Variants in PDE1A observed in about 807,000 individuals in gnomAD.
PDE1A encodes the protein dual specificity calcium/calmodulin-dependent 3',5'-cyclic nucleotide phosphodiesterase 1A.
Under a neutral mutation model 61.7 loss-of-function variants are expected in PDE1A, and 35 were observed. That is an observed-to-expected ratio of 0.57 (90% CI 0.43 to 0.75). PDE1A has a LOEUF of 0.75. PDE1A is among the 30% of genes least tolerant of loss of function. The pLI, the probability that PDE1A is intolerant of heterozygous loss-of-function variation, is 0.00. For missense variants in PDE1A, 597 were observed against 630.6 expected (o/e 0.95, Z 0.57); for synonymous variants, 232 against 213.2 (o/e 1.09, Z -0.77).
At chr2:182,278,637 C>T (rs934325341) in intron 1 of PDE1A, among the ~76,000 whole-genome samples, 1 of 151,828 alleles carries the variant, frequency 6.6e-6, no homozygotes, top group African/African-American at 2.4e-5. Context: ...TACATGGATA[C>T]TTATCAACAC....
chr2:182,475,201 T>C (rs1451685842), intron 2 of PDE1A, among the ~76,000 whole-genome samples: 2 of 151,910 alleles, frequency 1.3e-5, no homozygotes, highest in Non-Finnish European at 1.5e-5. Flanking sequence ...ACTTCAGGAA[T>C]GGGATGTCTT....
At chr2:182,660,368 A>T in the PDE1A span, among the ~76,000 whole-genome samples, 1 of 152,222 alleles carries the variant, frequency 6.6e-6, no homozygotes, top group African/African-American at 2.4e-5. Flanking sequence ...AGGATCTGTG[A>T]TAATTGGAAT....
At position 182,271,302 on chromosome 2, in the gene PDE1A, T is replaced by C. The variant is rs527323476; in HGVS notation, c.54-6888A>G. 2.6e-5 allele frequency among the ~76,000 whole-genome samples: 4 copies of C among 151,990 alleles called. No individual in the cohort carries two copies. In the South Asian group the frequency reaches 8.3e-4, roughly 32 times the overall value. On this transcript the variant is annotated intron_variant, in intron 1 of 13. Coordinates refer to ENST00000351439, the Ensembl canonical transcript of PDE1A. Reference sequence around the variant, plus strand: ...ATCATGTTGGTCTACCTTAAACATATACAACAAAAATAGTATGGCAAACAG... The same window carrying C: ...ATCATGTTGGTCTACCTTAAACATACACAACAAAAATAGTATGGCAAACAG...
chr2:182,646,402 A>AT, the PDE1A span, among the ~76,000 whole-genome samples: 1 of 151,416 alleles, frequency 6.6e-6, no homozygotes, highest in Non-Finnish European at 1.5e-5. Context: ...AAAAAAAAAA[A>AT]AAAAAAGCCA....
chr2:182,144,185 G>C (rs1690373050), downstream of PDE1A, among the ~76,000 whole-genome samples: 2 of 152,214 alleles, frequency 1.3e-5, no homozygotes, highest in Non-Finnish European at 1.5e-5. Context: ...CAACGTTAAA[G>C]AGTAGACACC....
chr2:182,403,005 T>C (rs1044798197), intron 1 of PDE1A, among the ~76,000 whole-genome samples: 1 of 151,888 alleles, frequency 6.6e-6, no homozygotes, highest in Non-Finnish European at 1.5e-5. Flanking sequence ...ATGGCGACCA[T>C]TAAAAAGTCA....
At chr2:182,393,098 G>C (rs894955211) in intron 1 of PDE1A, among the ~76,000 whole-genome samples, 1 of 152,264 alleles carries the variant, frequency 6.6e-6, no homozygotes, top group African/African-American at 2.4e-5. Flanking sequence ...TGCCCTTGCA[G>C]AGGTTCTCCA....
At chr2:182,538,792 C>T in the PDE1A span, among the ~76,000 whole-genome samples, 14 of 152,196 alleles carry the variant, frequency 9.2e-5, no homozygotes, top group African/African-American at 3.4e-4. Context: ...TTTTGTAAAA[C>T]TCATTTTGAT....
At chr2:182,471,755 T>C (rs1038484457) in intron 2 of PDE1A, among the ~76,000 whole-genome samples, 1 of 151,770 alleles carries the variant, frequency 6.6e-6, no homozygotes, top group Non-Finnish European at 1.5e-5. Flanking sequence ...TAAAAGAGTT[T>C]CATAAGACAC....
intron 1 of PDE1A, among the ~76,000 whole-genome samples, chr2:182,330,618 C>T (rs1158355696): frequency 2.6e-5 from 4 of 152,118 alleles, no homozygotes; most frequent in Non-Finnish European, 5.9e-5. Context: ...TCCCCTCTGT[C>T]GCCCTCCTGC....
intron 2 of PDE1A, among the ~76,000 whole-genome samples, chr2:182,515,223 T>A (rs1262143250): frequency 6.6e-6 from 1 of 152,228 alleles, no homozygotes; most frequent in Non-Finnish European, 1.5e-5. Context: ...TTCTGGTCAC[T>A]TCTTACTGCA....
intron 13 of PDE1A, among the ~76,000 whole-genome samples, chr2:182,182,527 C>T (rs767633938): frequency 6.6e-5 from 10 of 152,168 alleles, no homozygotes; most frequent in South Asian, 2.1e-4. Context: ...AACAAAAGCA[C>T]ATTTTCCATT....
chr2:182,373,751 G>A (rs1446971792), intron 1 of PDE1A, among the ~76,000 whole-genome samples: 1 of 152,156 alleles, frequency 6.6e-6, no homozygotes, highest in African/African-American at 2.4e-5. Context: ...ACATGAGCTT[G>A]TTTAAAGGCA....
upstream of PDE1A, among the ~76,000 whole-genome samples, chr2:182,431,053 A>G (rs1288911597): frequency 1.4e-5 from 2 of 140,096 alleles, no homozygotes; most frequent in African/African-American, 5.2e-5. Context: ...ACATGTATAC[A>G]TATGTAACTA....
intron 1 of PDE1A, among the ~76,000 whole-genome samples, chr2:182,367,469 G>GAA (rs200402004): frequency 1.3e-5 from 2 of 149,378 alleles, no homozygotes; most frequent in East Asian, 1.9e-4. Flanking sequence ...TTAAACATTA[G>GAA]AAAAAAAAAC....
At chr2:182,167,447 C>T (rs1373979770), downstream of PDE1A, among the ~76,000 whole-genome samples, 2 of 152,038 alleles carry the variant, frequency 1.3e-5, no homozygotes, top group South Asian at 2.1e-4. Context: ...AAATCCCCAC[C>T]GCAAAATGAA....
At chr2:182,396,602 C>G (rs1178346450) in intron 1 of PDE1A, among the ~76,000 whole-genome samples, 1 of 152,182 alleles carries the variant, frequency 6.6e-6, no homozygotes, top group Non-Finnish European at 1.5e-5. Flanking sequence ...AAAATATCTT[C>G]ATTTTATTTC....
At chr2:182,465,845 G>A (rs1377889189) in intron 2 of PDE1A, among the ~76,000 whole-genome samples, 2 of 152,012 alleles carry the variant, frequency 1.3e-5, no homozygotes, top group Non-Finnish European at 2.9e-5. Context: ...TATCCATTTT[G>A]ATGATGAGAA....
At chr2:182,144,589 C>T (rs1003882087), downstream of PDE1A, among the ~76,000 whole-genome samples, 6 of 152,010 alleles carry the variant, frequency 3.9e-5, no homozygotes, top group Non-Finnish European at 7.4e-5. Context: ...TGGGAAATTG[C>T]CTCACAGTGG....
Sources: allele counts gnomAD v4.1 joint callset (sites outside exome capture counted in the v4.1 genomes callset), GRCh38; gene constraint gnomAD v4.1.1; transcripts MANE v1.5; gene names NCBI Gene and HGNC (gene_info 2026-07-23, HGNC 2026-07-21).